The following TMTC2 variants were observed in gnomAD, a reference collection of about 807,000 sequenced individuals.
The protein encoded by TMTC2 is transmembrane O-mannosyltransferase targeting cadherins 2.
TMTC2 carries 43 observed loss-of-function variants against 82.4 expected under a neutral mutation model. The observed-to-expected ratio is 0.52, with a 90% CI of 0.41 to 0.67. The LOEUF (loss-of-function observed/expected upper bound fraction) is 0.67, where lower values mean the gene tolerates loss of function less well. Ranked by LOEUF, TMTC2 falls within the 30% of genes least tolerant of loss-of-function variation. TMTC2 has a pLI of 0.00. For missense variants in TMTC2, 919 were observed against 1,012.4 expected, an observed-to-expected ratio of 0.91 and a Z score of 1.25; for synonymous variants, 408 against 381.9, an observed-to-expected ratio of 1.07 and a Z score of -0.80.
intron 8 of TMTC2, among the ~76,000 whole-genome samples, chr12:82,997,398 G>GTGTATA (rs1555204073): frequency 8.7e-5 from 4 of 45,978 alleles, no homozygotes; most frequent in Non-Finnish European, 1.8e-4. Flanking sequence ...ATATATATGT[G>GTGTATA]TATATATATA....
intron 8 of TMTC2, among the ~76,000 whole-genome samples, chr12:82,989,429 A>T (rs1441407622): frequency 1.3e-5 from 2 of 152,072 alleles, no homozygotes; most frequent in East Asian, 3.9e-4. Flanking sequence ...TGTACTGATG[A>T]TTCTGTGTGA....
intron 1 of TMTC2, among the ~76,000 whole-genome samples, chr12:82,778,687 A>C (rs1410480175): frequency 2.6e-5 from 4 of 151,658 alleles, no homozygotes; most frequent in Non-Finnish European, 5.9e-5. Flanking sequence ...GTCTCTACTA[A>C]AAATACAAAA....
At position 83,020,993 on chromosome 12, in the gene TMTC2, TTAAA is replaced by T; in HGVS notation, c.2071-9802_2071-9799del. 1.3e-5 allele frequency among the ~76,000 whole-genome samples: 2 copies of T among 152,204 alleles called. 1 individual carries two copies. Among genetic ancestry groups the T allele is most frequent in the East Asian group, 3.8e-4 (2 of 5,200 alleles). ...TTTGAATTATAAGAATCTCAGGTATTTAAATACATATTTATGAAAGGTGAGTTAC... is the reference window on the plus strand; with the variant it reads ...TTTGAATTATAAGAATCTCAGGTATTTACATATTTATGAAAGGTGAGTTAC... On this transcript the variant is annotated intron_variant, in intron 8 of 11. Transcript: ENST00000321196.
At chr12:82,825,383 A>G (rs1015952469) in intron 1 of TMTC2, among the ~76,000 whole-genome samples, 2 of 152,202 alleles carry the variant, frequency 1.3e-5, no homozygotes, top group Non-Finnish European at 2.9e-5. Flanking sequence ...CAGGACTTCC[A>G]GATTCAGTCA....
intron 1 of TMTC2, among the ~76,000 whole-genome samples, chr12:82,807,219 A>G (rs1031843443): frequency 1.3e-5 from 2 of 152,162 alleles, no homozygotes; most frequent in African/African-American, 4.8e-5. Context: ...AAAGGGATTT[A>G]CCCAGGGTTC....
intron 1 of TMTC2, chr12:82,759,007 G>A (rs996495767): frequency 6.6e-6 from 1 of 152,048 alleles, no homozygotes; most frequent in African/African-American, 2.4e-5. Flanking sequence ...CTTAATTTCC[G>A]AGCATCAGTT....
At chr12:83,053,483 G>T (rs570470562) in intron 10 of TMTC2, among the ~76,000 whole-genome samples, 10 of 152,078 alleles carry the variant, frequency 6.6e-5, no homozygotes, top group Admixed American at 5.2e-4. Context: ...CCAATGTAAT[G>T]ACCAAAAGAA....
At chr12:82,864,592 C>T (rs947900725) in intron 2 of TMTC2, among the ~76,000 whole-genome samples, 70 of 149,472 alleles carry the variant, frequency 4.7e-4, no homozygotes, top group African/African-American at 1.7e-3. Flanking sequence ...ACCTCCGCCT[C>T]CCGGGTTCCA....
At chr12:83,103,984 A>ACT (rs1884315150) in intron 11 of TMTC2, among the ~76,000 whole-genome samples, 1 of 152,264 alleles carries the variant, frequency 6.6e-6, no homozygotes, top group Non-Finnish European at 1.5e-5. Flanking sequence ...ACTCAGTCAA[A>ACT]TGAAAGGGAC....
chr12:82,797,961 C>T (rs1374192084), intron 1 of TMTC2, among the ~76,000 whole-genome samples: 1 of 121,158 alleles, frequency 8.3e-6, no homozygotes, highest in African/African-American at 3.2e-5. Flanking sequence ...TTTTTTGAGA[C>T]GAGTCCCTCT....
intron 2 of TMTC2, among the ~76,000 whole-genome samples, chr12:82,867,344 A>G (rs544440080): frequency 7.9e-5 from 12 of 152,190 alleles, no homozygotes; most frequent in African/African-American, 2.2e-4. Context: ...AGATCATAGT[A>G]TTTCTCTTTG....
At chr12:82,766,952 C>T (rs1876998541) in intron 1 of TMTC2, among the ~76,000 whole-genome samples, 1 of 152,162 alleles carries the variant, frequency 6.6e-6, no homozygotes. Context: ...GTGCACGCCA[C>T]CACACCCAGA....
chr12:82,903,087 C>T (rs1337418007), intron 3 of TMTC2, among the ~76,000 whole-genome samples: 3 of 152,136 alleles, frequency 2.0e-5, no homozygotes, highest in Non-Finnish European at 2.9e-5. Context: ...CTTTTACCTT[C>T]GTCATTGCTT....
chr12:82,728,871 G>C (rs2136936367), intron 1 of TMTC2, among the ~76,000 whole-genome samples: 1 of 152,340 alleles, frequency 6.6e-6, no homozygotes, highest in South Asian at 2.1e-4. Flanking sequence ...TGAGCAGCCA[G>C]CCAGCCCGCT....
At chr12:83,001,112 C>T (rs1400464779) in intron 8 of TMTC2, among the ~76,000 whole-genome samples, 1 of 152,148 alleles carries the variant, frequency 6.6e-6, no homozygotes, top group East Asian at 1.9e-4. Flanking sequence ...AGGTCTCTGA[C>T]ACGCCCTGAA....
chr12:82,864,563 G>A (rs1311258904), intron 2 of TMTC2, among the ~76,000 whole-genome samples: 3 of 144,630 alleles, frequency 2.1e-5, no homozygotes, highest in Admixed American at 7.0e-5. Flanking sequence ...GTGCAGTGGC[G>A]CAATCTTGGC....
At chr12:82,809,164 C>T (rs867196231) in intron 1 of TMTC2, among the ~76,000 whole-genome samples, 32 of 151,234 alleles carry the variant, frequency 2.1e-4, no homozygotes, top group Middle Eastern at 7.0e-3. Flanking sequence ...AGGATATTAC[C>T]GCTAATGACC....
chr12:83,055,976 T>C (rs993156144), intron 10 of TMTC2, among the ~76,000 whole-genome samples: 5 of 151,988 alleles, frequency 3.3e-5, no homozygotes, highest in Non-Finnish European at 7.4e-5. Context: ...TAATGTAGTA[T>C]GATACTGTTT....
chr12:83,016,552 A>G (rs1880688923), intron 8 of TMTC2, among the ~76,000 whole-genome samples: 1 of 152,236 alleles, frequency 6.6e-6, no homozygotes, highest in Non-Finnish European at 1.5e-5. Context: ...GTGTAAGAGT[A>G]GGAATTACCC....
Sources: gnomAD v4.1 joint callset for allele counts (sites outside exome capture counted in the v4.1 genomes callset) on GRCh38, gnomAD v4.1.1 for gene constraint, MANE v1.5 for transcripts, NCBI Gene and HGNC (gene_info 2026-07-23, HGNC 2026-07-21) for gene names.